Variants in HECW1 observed in about 807,000 individuals in gnomAD.
HECW1 encodes E3 ubiquitin-protein ligase HECW1.
Under a neutral mutation model 182.3 loss-of-function variants are expected in HECW1, and 61 were observed. The observed-to-expected ratio is 0.33, with a 90% confidence interval of 0.27 to 0.41. The LOEUF (loss-of-function observed/expected upper bound fraction) is 0.41. Among genes scored for constraint, HECW1 ranks in the 10% least tolerant of loss-of-function variants. HECW1 has a pLI of 1.00. For missense variants in HECW1, 1,739 were observed against 2,108.9 expected (o/e 0.82, Z 3.44); for synonymous variants, 859 against 832.6 (o/e 1.03, Z -0.55).
chr7:43,498,509 G>A (rs957824384), intron 19 of HECW1, among the ~76,000 whole-genome samples: 1 of 152,162 alleles, frequency 6.6e-6, no homozygotes, highest in African/African-American at 2.4e-5. Flanking sequence ...AAATAACGGG[G>A]CTGTGAGGTG....
In HECW1 at chr7:43,298,427, C is replaced by T. The variant is rs114110078; in HGVS notation, c.28-13336C>T. ...AATGCACCCTTAGCAGTTTACAGTCCCCCTGACATGTGCTTCTAACTGCCT... is the reference window on the plus strand; with the variant it reads ...AATGCACCCTTAGCAGTTTACAGTCTCCCTGACATGTGCTTCTAACTGCCT... On this transcript the variant is annotated intron_variant, in intron 3 of 29. Transcript: ENST00000395891. 4.2e-3 allele frequency among the ~76,000 whole-genome samples: 643 copies of T among 152,262 alleles called. 6 individuals carry two copies. Among genetic ancestry groups the T allele is most frequent in the African/African-American group, 0.015 (613 of 41,554 alleles).
chr7:43,311,724 C>T (rs760166883), intron 3 of HECW1, 39 bp from the exon 4 acceptor site: 13 of 1,585,188 alleles, frequency 8.2e-6, no homozygotes, highest in East Asian at 2.2e-5. Context: ...GAGTTGCCGG[C>T]GTGCCCTGAC....
intron 24 of HECW1, among the ~76,000 whole-genome samples, chr7:43,540,248 G>C (rs554371143): frequency 6.6e-6 from 1 of 152,160 alleles, no homozygotes; most frequent in Non-Finnish European, 1.5e-5. Context: ...TTCCACCAGG[G>C]AGGATCTGAG....
chr7:43,362,083 A>G (rs13240559), intron 6 of HECW1, among the ~76,000 whole-genome samples: 4,762 of 143,646 alleles, frequency 0.033, 93 homozygotes, highest in Middle Eastern at 0.048. Context: ...GTGAGCAGAG[A>G]TCGCACCACT....
intron 11 of HECW1, among the ~76,000 whole-genome samples, chr7:43,448,160 A>G (rs2077122054): frequency 6.6e-6 from 1 of 152,148 alleles, no homozygotes; most frequent in Non-Finnish European, 1.5e-5. Context: ...AGAGAAAAAA[A>G]AACTGCATTA....
chr7:43,206,338 G>T (rs1391450045), intron 2 of HECW1, among the ~76,000 whole-genome samples: 2 of 152,178 alleles, frequency 1.3e-5, no homozygotes, highest in African/African-American at 4.8e-5. Flanking sequence ...TAGGAAGACA[G>T]GGGAGAGGAG....
intron 7 of HECW1, 143 bp from the exon 8 acceptor site, chr7:43,407,419 C>T (rs979431165): frequency 6.6e-6 from 4 of 609,948 alleles, no homozygotes; most frequent in Non-Finnish European, 1.1e-5. Flanking sequence ...CACTCCTTCA[C>T]CCCAGCCTGT....
intron 6 of HECW1, among the ~76,000 whole-genome samples, chr7:43,367,230 A>T (rs913331830): frequency 2.6e-5 from 4 of 152,174 alleles, no homozygotes; most frequent in African/African-American, 7.2e-5. Context: ...CTTGGATTTT[A>T]TAATAGCCTT....
intron 6 of HECW1, among the ~76,000 whole-genome samples, chr7:43,390,362 G>A (rs186554175): frequency 6.6e-6 from 1 of 152,086 alleles, no homozygotes; most frequent in Non-Finnish European, 1.5e-5. Context: ...AACATAGTGA[G>A]ACCCCGTTCC....
At chr7:43,384,990 CT>C (rs1376376991) in intron 6 of HECW1, among the ~76,000 whole-genome samples, 1 of 152,078 alleles carries the variant, frequency 6.6e-6, no homozygotes, top group Admixed American at 6.5e-5. Context: ...ACTCTTGTCA[CT>C]CCTGCATCCT....
intron 5 of HECW1, among the ~76,000 whole-genome samples, chr7:43,328,839 G>A (rs986941248): frequency 6.6e-6 from 1 of 152,150 alleles, no homozygotes; most frequent in Non-Finnish European, 1.5e-5. Flanking sequence ...AAGGGTCAAG[G>A]CCCTATTAAC....
Position 43,540,280 on chromosome 7 carries a change from G to A in HECW1, c.4020-883G>A, listed in dbSNP as rs183045559. Among the ~76,000 whole-genome samples the A allele has an allele frequency of 1.4e-4, 22 of 152,244 alleles. No homozygotes were observed. The South Asian group carries it at 3.1e-3, about 22-fold the overall frequency. On this transcript the variant is annotated intron_variant, in intron 24 of 29. Coordinates refer to ENST00000395891, the MANE Select transcript of HECW1 (RefSeq NM_015052.5). Reference sequence around the variant, plus strand: ...TGAGAAAATTCACCACTAAATCCCCGATAAGGTGAAAACCTACTTAGAGTG... The same window carrying A: ...TGAGAAAATTCACCACTAAATCCCCAATAAGGTGAAAACCTACTTAGAGTG...
intron 2 of HECW1, chr7:43,239,967 A>G (rs1407716252): frequency 6.6e-6 from 1 of 152,158 alleles, no homozygotes; most frequent in African/African-American, 2.4e-5. Flanking sequence ...ACCTTTCATC[A>G]TATTGTTTGT....
chr7:43,187,889 C>T (rs1295229644), intron 2 of HECW1, among the ~76,000 whole-genome samples: 1 of 152,168 alleles, frequency 6.6e-6, no homozygotes, highest in Non-Finnish European at 1.5e-5. Flanking sequence ...ACAAGTCAGT[C>T]CCAGACTGAA....
chr7:43,141,988 C>G (rs994555827), intron 2 of HECW1, among the ~76,000 whole-genome samples: 5 of 152,192 alleles, frequency 3.3e-5, no homozygotes, highest in African/African-American at 1.2e-4. Flanking sequence ...CCTCAAAGTT[C>G]TATTCCTCCC....
intron 22 of HECW1, among the ~76,000 whole-genome samples, 168 bp from the exon 23 acceptor site, chr7:43,507,850 G>A (rs757569970): frequency 1.3e-5 from 2 of 152,180 alleles, no homozygotes; most frequent in Non-Finnish European, 2.9e-5. Context: ...TTTGAAAAGT[G>A]TGTTCAGATA....
intron 24 of HECW1, among the ~76,000 whole-genome samples, chr7:43,527,897 C>T (rs1378586914): frequency 2.0e-5 from 3 of 152,138 alleles, no homozygotes; most frequent in Non-Finnish European, 2.9e-5. Context: ...CAACTGTTTG[C>T]CTGAGCTCAT....
chr7:43,387,391 C>T lies in HECW1; in HGVS notation c.556-9423C>T, dbSNP rs866165655. ...TCTTTCTGATTAAAGGACTCAGGTT[C>T]CTCAAGTTTGAAGGAGAAAGTAAGT... On this transcript the variant is annotated intron_variant, in intron 6 of 29. Transcript: ENST00000395891. Among the ~76,000 whole-genome samples, 3 of 152,168 alleles carry T rather than the reference C, an allele frequency of 2.0e-5. No homozygotes were observed. The South Asian group carries it at 6.2e-4, about 32-fold the overall frequency.
At chr7:43,476,166 A>G (rs1161440152) in intron 16 of HECW1, among the ~76,000 whole-genome samples, 2 of 152,228 alleles carry the variant, frequency 1.3e-5, no homozygotes, top group Non-Finnish European at 2.9e-5. Context: ...TATTTGATGG[A>G]AGCATTTAAT....
Sources: allele counts gnomAD v4.1 joint callset (sites outside exome capture counted in the v4.1 genomes callset), GRCh38; gene constraint gnomAD v4.1.1; transcripts MANE v1.5; gene names NCBI Gene and HGNC (gene_info 2026-07-23, HGNC 2026-07-21).